ENTREP3: variants seen among roughly 807,000 people sequenced by gnomAD.
The protein encoded by ENTREP3 is endosomal transmembrane epsin interactor 3.
At chr1:155,250,397 GAA>G in the ENTREP3 span, 1 of 776,422 alleles carries the variant, frequency 1.3e-6, no homozygotes, top group Non-Finnish European at 2.0e-6. This position sits in a 1 kb window ranked among gnomAD's most constrained non-coding sequence, Gnocchi z 5.4. Flanking sequence ...AGCTATCGCT[GAA>G]GCGACGAGTC....
the ENTREP3 span, chr1:155,250,439 G>A: frequency 1.3e-6 from 2 of 1,487,558 alleles, no homozygotes; most frequent in African/African-American, 1.4e-5. This position sits in a 1 kb window ranked among gnomAD's most constrained non-coding sequence, Gnocchi z 5.4. Context: ...CTGCGGCTGG[G>A]CGGCCCCCTC....
chr1:155,247,623 G>A, the ENTREP3 span: 2 of 765,146 alleles, frequency 2.6e-6, no homozygotes, highest in Admixed American at 4.1e-5. Flanking sequence ...GCAGAGGCAA[G>A]CAGCAAGAGA....
At chr1:155,251,704 T>A in the ENTREP3 span, 1 of 1,611,160 alleles carries the variant, frequency 6.2e-7, no homozygotes, top group Non-Finnish European at 8.5e-7. Context: ...CTTCCTTAGC[T>A]CCCCCAGCAA....
the ENTREP3 span, chr1:155,248,050 C>T: frequency 6.2e-7 from 1 of 1,614,222 alleles, no homozygotes; most frequent in Non-Finnish European, 8.5e-7. Context: ...GAATTCCTAC[C>T]TGCTTATGTC....
chr1:155,247,564 G>A, the ENTREP3 span: 1 of 714,916 alleles, frequency 1.4e-6, no homozygotes. Flanking sequence ...CTCCCCCACA[G>A]TCTAAATACC....
At chr1:155,247,632 G>A in the ENTREP3 span, 3 of 785,740 alleles carry the variant, frequency 3.8e-6, no homozygotes, top group Non-Finnish European at 6.6e-6. Flanking sequence ...AGCAGCAAGA[G>A]ACCCCAGAGG....
At chr1:155,254,364 C>T in the ENTREP3 span, 15 of 1,610,628 alleles carry the variant, frequency 9.3e-6, no homozygotes, top group Non-Finnish European at 1.3e-5. This position sits in a 1 kb window ranked among gnomAD's most constrained non-coding sequence, Gnocchi z 4.4. Flanking sequence ...GTGCTGGGCA[C>T]CTGCCTCCCA....
the ENTREP3 span, chr1:155,253,867 C>G: frequency 1.2e-6 from 2 of 1,613,062 alleles, no homozygotes; most frequent in East Asian, 2.2e-5. Context: ...ACCTTGAGGG[C>G]CCCTCGGGCT....
chr1:155,250,695 A>C, the ENTREP3 span: 1 of 1,612,918 alleles, frequency 6.2e-7, no homozygotes, highest in Non-Finnish European at 8.5e-7. This position sits in a 1 kb window ranked among gnomAD's most constrained non-coding sequence, Gnocchi z 5.4. Context: ...GATGGAGCGA[A>C]AGAGAACGTA....
At chr1:155,250,208 C>T in the ENTREP3 span, 198 of 1,386,594 alleles carry the variant, frequency 1.4e-4, 1 homozygote, top group South Asian at 2.7e-3. The surrounding 1 kb of genome is among the most constrained non-coding windows in gnomAD (Gnocchi z 5.4). Flanking sequence ...TCCTGGTGGG[C>T]ATCACTGGCC....
At chr1:155,248,240 G>A in the ENTREP3 span, 1 of 1,604,588 alleles carries the variant, frequency 6.2e-7, no homozygotes, top group Non-Finnish European at 8.5e-7. Flanking sequence ...GGCTGACCGG[G>A]CACGTAGCAA....
the ENTREP3 span, chr1:155,247,542 A>G: frequency 1.4e-6 from 1 of 707,594 alleles, no homozygotes; most frequent in South Asian, 1.5e-5. Context: ...CCAGTGCTAT[A>G]AGAAGGGGCA....
chr1:155,251,034 A>G, the ENTREP3 span: 1 of 1,500,604 alleles, frequency 6.7e-7, no homozygotes. Context: ...TATTGTCTCT[A>G]CCCACCCCAG....
At chr1:155,250,555 G>A in the ENTREP3 span, 12 of 1,582,640 alleles carry the variant, frequency 7.6e-6, no homozygotes, top group East Asian at 2.0e-4. This position sits in a 1 kb window ranked among gnomAD's most constrained non-coding sequence, Gnocchi z 5.4. Context: ...CCCAGTGGGG[G>A]TGGAGCTTCA....
the ENTREP3 span, among the ~76,000 whole-genome samples, chr1:155,250,059 CAA>C: frequency 3.2e-5 from 4 of 126,068 alleles, no homozygotes; most frequent in Admixed American, 8.0e-5. This position sits in a 1 kb window ranked among gnomAD's most constrained non-coding sequence, Gnocchi z 5.4. Context: ...GACTCCGTCT[CAA>C]AAAAAAAAAA....
At chr1:155,255,080 G>A in the ENTREP3 span, 19 of 599,338 alleles carry the variant, frequency 3.2e-5, 1 homozygote, top group Non-Finnish European at 5.6e-5. The surrounding 1 kb of genome is among the most constrained non-coding windows in gnomAD (Gnocchi z 5.6). Flanking sequence ...ACCGCGGAGT[G>A]CTCCCTCCCC....
the ENTREP3 span, chr1:155,250,978 C>A: frequency 1.0e-5 from 13 of 1,242,560 alleles, no homozygotes; most frequent in Non-Finnish European, 1.4e-5. This position sits in a 1 kb window ranked among gnomAD's most constrained non-coding sequence, Gnocchi z 5.4. Flanking sequence ...GTTGCCACAG[C>A]CCTCCTATGT....
the ENTREP3 span, chr1:155,255,098 G>A: frequency 8.9e-5 from 53 of 593,700 alleles, no homozygotes; most frequent in Admixed American, 8.9e-5. The surrounding 1 kb of genome is among the most constrained non-coding windows in gnomAD (Gnocchi z 5.6). Flanking sequence ...CCCACCACGG[G>A]CACTGGACGG....
chr1:155,253,412 C>T, the ENTREP3 span: 3 of 564,994 alleles, frequency 5.3e-6, no homozygotes, highest in East Asian at 9.0e-5. Context: ...TGGTCCCAGA[C>T]CAGCATCACA....
Sources: allele counts gnomAD v4.1 joint callset (sites outside exome capture counted in the v4.1 genomes callset), GRCh38; gene constraint gnomAD v4.1.1; non-coding constraint Gnocchi (gnomAD v3.1); transcripts MANE v1.5; gene names NCBI Gene and HGNC (gene_info 2026-07-23, HGNC 2026-07-21).